The following SYNJ1 variants were observed in gnomAD, a reference collection of about 807,000 sequenced individuals.
SYNJ1 encodes synaptojanin 1, also known as polyphosphatidylinositol phosphatase SYNJ1.
A neutral mutation model predicts 168.2 loss-of-function variants in SYNJ1; 78 were observed. The ratio of observed to expected loss-of-function variants is 0.46; its 90% confidence interval spans 0.39 to 0.56. The LOEUF is 0.56. Among genes scored for constraint, SYNJ1 ranks in the 20% least tolerant of loss-of-function variants. The probability of loss-of-function intolerance (pLI) is 0.00; values close to 1 mark genes in which losing one functional copy is unlikely to be tolerated. For missense variants in SYNJ1, 1,303 were observed against 1,597.6 expected (o/e 0.82, Z 3.14); for synonymous variants, 539 against 548.6 (o/e 0.98, Z 0.24).
chr21:32,716,829 T>C (rs1272631499), intron 2 of SYNJ1, among the ~76,000 whole-genome samples: 1 of 152,216 alleles, frequency 6.6e-6, no homozygotes, highest in African/African-American at 2.4e-5. Context: ...ATTTATTTAT[T>C]TTAGCCTTTT....
At chr21:32,658,796 G>A (rs1331769987) in intron 18 of SYNJ1, among the ~76,000 whole-genome samples, 5 of 152,224 alleles carry the variant, frequency 3.3e-5, no homozygotes, top group African/African-American at 4.8e-5. Flanking sequence ...CAAGTGAGCA[G>A]AGTTCGCCCC....
rs557256174 is a variant in SYNJ1 at position 32,666,621 on chromosome 21, T to C, written c.1812-48A>G. On this transcript the variant is annotated intron_variant, in intron 15 of 32. Transcript: ENST00000674351. ...GAATTTTTTAAAAAGGTATTGACAA[T>C]AGCCTATTTTATGACAATTGTCAAT... is the stretch of plus-strand genomic sequence containing the variant. The C allele has an allele frequency of 1.3e-5, 20 of 1,554,366 alleles. No homozygotes were observed. In the Admixed American group the frequency reaches 1.3e-4, roughly 10 times the overall value.
chr21:32,661,128 TGTGCCA>T (rs962027665), intron 18 of SYNJ1, among the ~76,000 whole-genome samples: 6 of 152,242 alleles, frequency 3.9e-5, no homozygotes, highest in Admixed American at 1.3e-4. Flanking sequence ...GGAAGGTAGC[TGTGCCA>T]CAGTTGCTGA....
intron 18 of SYNJ1, among the ~76,000 whole-genome samples, chr21:32,663,280 A>G (rs565567619): frequency 1.8e-4 from 28 of 152,346 alleles, no homozygotes; most frequent in African/African-American, 5.3e-4. Flanking sequence ...TGGAGAAGGA[A>G]AAGAATTCAC....
In SYNJ1 at chr21:32,684,101, A is replaced by C; in HGVS notation, c.1137T>G (p.Val379=). The C allele has an allele frequency of 6.2e-7, 1 of 1,613,702 alleles. No individual in the cohort carries two copies. The highest frequency in any genetic ancestry group is 8.5e-7 in the Non-Finnish European group (1 of 1,179,740). ...SEVQRCQSGT[V]RTNCLDCLDR... is the part of the protein sequence containing the mutation. The stretch of plus-strand genomic sequence containing the variant: ...CAAGACAATCCAAGCAGTTTGTTCG[A>C]ACTGTACCACTCTGGCATCTGTAAC... The change falls in exon 10 of 33, where the codon GTT becomes GTG. Residue 379 remains valine, a synonymous_variant. Transcript: ENST00000674351.
intron 2 of SYNJ1, among the ~76,000 whole-genome samples, chr21:32,711,068 C>T (rs2146302568): frequency 6.6e-6 from 1 of 152,240 alleles, no homozygotes; most frequent in Middle Eastern, 3.4e-3. Context: ...TCAACTCCTT[C>T]CTTATTTTAG....
intron 2 of SYNJ1, among the ~76,000 whole-genome samples, chr21:32,713,262 GGAT>G (rs1404523199): frequency 2.1e-5 from 3 of 143,800 alleles, no homozygotes; most frequent in African/African-American, 7.7e-5. Flanking sequence ...ATATCAACAT[GGAT>G]GATTTCCCAT....
At chr21:32,696,816 A>G (rs1276191603) in intron 4 of SYNJ1, among the ~76,000 whole-genome samples, 1 of 152,232 alleles carries the variant, frequency 6.6e-6, no homozygotes. Context: ...AACCCCTCTT[A>G]TCCATCCAGG....
chr21:32,727,766 C>G, intron 1 of SYNJ1, 180 bp downstream of exon 1: 1 of 1,326,136 alleles, frequency 7.5e-7, no homozygotes, highest in South Asian at 1.6e-5. Flanking sequence ...CGCGGCACCC[C>G]GCACAACCAG....
intron 2 of SYNJ1, among the ~76,000 whole-genome samples, chr21:32,703,602 C>T (rs1025182975): frequency 6.6e-6 from 1 of 152,104 alleles, no homozygotes; most frequent in Non-Finnish European, 1.5e-5. Context: ...ATGCCATATA[C>T]ATTTAAAATA....
chr21:32,666,611 G>A, intron 15 of SYNJ1, 38 bp from the exon 16 acceptor site: 1 of 1,589,444 alleles, frequency 6.3e-7, no homozygotes, highest in Non-Finnish European at 8.6e-7. Flanking sequence ...TTTTAAAAAG[G>A]TATTGACAAT....
Position 32,699,929 on chromosome 21 carries a change from A to C in SYNJ1, c.388T>G (p.Phe130Val), listed in dbSNP as rs962221677. The C allele has an allele frequency of 6.2e-7, 1 of 1,614,076 alleles. No individual in the cohort carries two copies. The highest frequency in any genetic ancestry group is 1.3e-5 in the African/African-American group (1 of 74,948). Residue 130 changes from phenylalanine (F) to valine (V), a missense_variant, in exon 4 of 33, where the codon TTT (phenylalanine) becomes GTT (valine). Around this residue, in one of 2 missense-constraint regions of SYNJ1, gnomAD observed 920 missense variants for 1,208.8 expected, o/e 0.76. Coordinates refer to ENST00000674351, the MANE Select transcript of SYNJ1 (RefSeq NM_203446.3). The stretch of plus-strand genomic sequence containing the variant: ...CTGATGCCAGATGCAGACCATGCAA[A>C]ATAAAAGTTTCCTGAATTCAAAACT... ...RKVLNSGNFY[F>V]AWSASGISLD...
chr21:32,651,736 G>C (rs2145818565), intron 22 of SYNJ1, among the ~76,000 whole-genome samples: 1 of 152,218 alleles, frequency 6.6e-6, no homozygotes, highest in Middle Eastern at 3.4e-3. Context: ...TATTCAAAAA[G>C]ATACATAGAG....
At position 32,649,972 on chromosome 21, in the gene SYNJ1, A is replaced by G. The variant is rs7281782; in HGVS notation, c.3037+212T>C. On this transcript the variant is annotated intron_variant, in intron 23 of 32. Transcript: ENST00000674351. ...GCCATGTTGGACAGGCTGGTCTTGA[A>G]CTCCTGGCCTCAGGCAATCCACCCT... Among the ~76,000 whole-genome samples, 355 of 151,354 alleles carry G rather than the reference A, an allele frequency of 2.3e-3. 1 individual carries two copies. Among genetic ancestry groups the G allele is most frequent in the African/African-American group, 8.3e-3 (341 of 41,206 alleles).
Position 32,670,274 on chromosome 21 carries a change from T to C in SYNJ1, c.1811+14A>G. On this transcript the variant is annotated intron_variant, in intron 15 of 32. Coordinates refer to ENST00000674351, the MANE Select transcript of SYNJ1 (RefSeq NM_203446.3). ...ACTGGCAAATTTTTCAGTGGATTAA[T>C]GTGGCTAGCTTACCTTGCACTCACA... 1 of 1,610,340 alleles carries C rather than the reference T, an allele frequency of 6.2e-7. No homozygotes were observed.
At position 32,645,893 on chromosome 21, in the gene SYNJ1, T is replaced by C. The variant is rs994984843; in HGVS notation, c.3248-104A>G. 3 of 1,468,450 alleles carry C rather than the reference T, an allele frequency of 2.0e-6. No individual in the cohort carries two copies. The Admixed American group carries it at 5.7e-5, about 28-fold the overall frequency. The allele number at this position is 1,468,450 out of a possible 1,614,324, so 91.0% of individuals were successfully genotyped here. ...GTAATGTTCTATAAAATGTGCACAA[T>C]GGTGTAAAGAAAGGGCATGTATTTT... On this transcript the variant is annotated intron_variant, in intron 24 of 32. Coordinates refer to ENST00000674351, the MANE Select transcript of SYNJ1 (RefSeq NM_203446.3).
intron 17 of SYNJ1, 70 bp from the exon 18 acceptor site, chr21:32,665,141 T>C: frequency 6.9e-7 from 1 of 1,448,058 alleles, no homozygotes; most frequent in Non-Finnish European, 9.3e-7. Context: ...AACTATTTCT[T>C]TGCCTGAGAT....
intron 18 of SYNJ1, among the ~76,000 whole-genome samples, chr21:32,660,419 C>T (rs2040644670): frequency 6.6e-6 from 1 of 152,246 alleles, no homozygotes; most frequent in Non-Finnish European, 1.5e-5. Context: ...GTCTGTAACA[C>T]CCTAAATCCC....
chr21:32,725,901 C>T (rs1017966785), intron 2 of SYNJ1, among the ~76,000 whole-genome samples: 4 of 152,106 alleles, frequency 2.6e-5, no homozygotes, highest in Non-Finnish European at 2.9e-5. Flanking sequence ...AGCGCAGTGG[C>T]GAGATCAAGG....
Sources: gnomAD v4.1 joint callset for allele counts (sites outside exome capture counted in the v4.1 genomes callset) on GRCh38, gnomAD v4.1.1 for gene constraint, gnomAD v4.1.1 regional missense constraint, MANE v1.5 for transcripts, NCBI Gene and HGNC (gene_info 2026-07-23, HGNC 2026-07-21) for gene names.